Variants in ATAD5 observed in about 807,000 individuals in gnomAD.
ATAD5 encodes ATPase family AAA domain-containing protein 5.
A neutral mutation model predicts 176.9 loss-of-function variants in ATAD5; 58 were observed. That is an observed-to-expected ratio of 0.33 (90% CI 0.27 to 0.41). ATAD5 has a LOEUF of 0.41. ATAD5 is among the 10% of genes least tolerant of loss of function. ATAD5 has a pLI of 1.00. For missense variants in ATAD5, 1,789 were observed against 2,094.1 expected (o/e 0.85, Z 2.84); for synonymous variants, 640 against 712.6 (o/e 0.90, Z 1.62).
At position 30,890,888 on chromosome 17, in the gene ATAD5, G is replaced by A. The variant is rs147974808; in HGVS notation, c.4259-1719G>A. ...CATACTTATTTAGCAAAATTAACCAGTATTATATATGTTGTTATTTTTAAG... is the reference window on the plus strand; with the variant it reads ...CATACTTATTTAGCAAAATTAACCAATATTATATATGTTGTTATTTTTAAG... On this transcript the variant is annotated intron_variant, in intron 19 of 22. Transcript: ENST00000321990. Among the ~76,000 whole-genome samples the A allele has an allele frequency of 3.1e-3, 445 of 143,502 alleles. 3 individuals are homozygous for A. The highest frequency in any genetic ancestry group is 5.5e-3 in the South Asian group (25 of 4,576). 94.1% of individuals were successfully genotyped at this position (143,502 alleles called of 152,430 possible). A position where few individuals can be genotyped will look rare whatever the true frequency, so the allele number is the denominator to read the frequency against.
chr17:30,878,731 T>TGTTTTTTG (rs1402170397), intron 17 of ATAD5, among the ~76,000 whole-genome samples: 2 of 124,138 alleles, frequency 1.6e-5, no homozygotes, highest in African/African-American at 6.4e-5. Context: ...TTTTTTTTTT[T>TGTTTTTTG]TTTTTTTTTT....
At chr17:30,881,494 G>A (rs574219564) in intron 18 of ATAD5, among the ~76,000 whole-genome samples, 5 of 152,162 alleles carry the variant, frequency 3.3e-5, no homozygotes, top group Non-Finnish European at 7.3e-5. Context: ...GTAGAGACGG[G>A]ATTTCGCCAT....
At chr17:30,841,591 T>C (rs774345962) in intron 4 of ATAD5, among the ~76,000 whole-genome samples, 1 of 152,158 alleles carries the variant, frequency 6.6e-6, no homozygotes, top group Non-Finnish European at 1.5e-5. Context: ...TTTTGGAACA[T>C]TTTCATTTCC....
rs1425653832 is a variant in ATAD5 at position 30,895,084 on chromosome 17, TTA to T, written c.*177_*178del. ...ATTTAAAATATTTGAGTTACAAATTTTATATATGATTGTAATTTTTTTTCTGA... is the reference window on the plus strand; with the variant it reads ...ATTTAAAATATTTGAGTTACAAATTTTATATGATTGTAATTTTTTTTCTGA... On this transcript the variant is annotated 3_prime_UTR_variant, in exon 23 of 23. Coordinates refer to ENST00000321990, the MANE Select transcript of ATAD5 (RefSeq NM_024857.5). 2 of 472,982 alleles carry T rather than the reference TTA, an allele frequency of 4.2e-6. No individual in the cohort carries two copies. The highest frequency in any genetic ancestry group is 5.9e-4 in the Middle Eastern group (1 of 1,694). 29.3% of individuals were successfully genotyped at this position (472,982 alleles called of 1,614,324 possible).
At chr17:30,863,828 C>G (rs1464031600) in intron 10 of ATAD5, 1 of 151,778 alleles carries the variant, frequency 6.6e-6, no homozygotes, top group Non-Finnish European at 1.5e-5. Context: ...CCACGCCTGG[C>G]TAATTTTTAT....
At chr17:30,842,996 G>T (rs1906224435) in intron 4 of ATAD5, among the ~76,000 whole-genome samples, 1 of 151,820 alleles carries the variant, frequency 6.6e-6, no homozygotes, top group South Asian at 2.1e-4. Flanking sequence ...CCCCTGCCTT[G>T]GCCTCCCCAA....
chr17:30,880,511 GGCA>G (rs1379786380), intron 18 of ATAD5, among the ~76,000 whole-genome samples: 2 of 152,012 alleles, frequency 1.3e-5, no homozygotes, highest in East Asian at 3.9e-4. Context: ...GGGAGGCTGT[GGCA>G]GGAGAATCGC....
At chr17:30,834,044 C>A in intron 1 of ATAD5, 104 bp from the exon 2 acceptor site, 1 of 1,016,020 alleles carries the variant, frequency 9.8e-7, no homozygotes, top group Non-Finnish European at 1.3e-6. Flanking sequence ...AAGGAGGCTT[C>A]CTTTTTTTAA....
intron 3 of ATAD5, among the ~76,000 whole-genome samples, chr17:30,840,215 A>C (rs1352737675): frequency 2.0e-5 from 3 of 150,486 alleles, no homozygotes; most frequent in Admixed American, 6.6e-5. Flanking sequence ...AAAAAAAAAA[A>C]AAAACAACCT....
At chr17:30,842,595 T>A (rs1906194822) in intron 4 of ATAD5, among the ~76,000 whole-genome samples, 1 of 152,174 alleles carries the variant, frequency 6.6e-6, no homozygotes, top group Admixed American at 6.6e-5. Flanking sequence ...GACAGGAAAA[T>A]CACAGACTTC....
At chr17:30,867,811 C>T (rs1050774471) in intron 11 of ATAD5, among the ~76,000 whole-genome samples, 9 of 152,152 alleles carry the variant, frequency 5.9e-5, no homozygotes, top group African/African-American at 2.2e-4. Context: ...CGCTGTGTTG[C>T]CCAGGCTGGT....
At chr17:30,887,987 A>G (rs1039948872) in intron 19 of ATAD5, among the ~76,000 whole-genome samples, 1 of 151,414 alleles carries the variant, frequency 6.6e-6, no homozygotes, top group African/African-American at 2.4e-5. Context: ...CCCCACCATC[A>G]CGCCCAGCTA....
intron 6 of ATAD5, among the ~76,000 whole-genome samples, chr17:30,850,890 T>A (rs1597964958): frequency 1.4e-5 from 1 of 72,682 alleles, no homozygotes; most frequent in Non-Finnish European, 2.8e-5. Flanking sequence ...TTTTTTTTTT[T>A]TTTTTTTTTT....
intron 4 of ATAD5, among the ~76,000 whole-genome samples, chr17:30,843,635 G>A (rs1906275111): frequency 6.7e-6 from 1 of 149,524 alleles, no homozygotes; most frequent in Non-Finnish European, 1.5e-5. Flanking sequence ...GGGCGACAGA[G>A]AGAGACTCCA....
In ATAD5 at chr17:30,837,330, G is replaced by C. The variant is rs1031626380; in HGVS notation, c.2076+16G>C. 4 of 1,478,218 alleles carry C rather than the reference G, an allele frequency of 2.7e-6. No individual in the cohort carries two copies. The Admixed American group carries it at 6.4e-5, about 24-fold the overall frequency. The allele number at this position is 1,478,218 out of a possible 1,614,324, so 91.6% of individuals were successfully genotyped here. On this transcript the variant is annotated intron_variant, in intron 3 of 22. Transcript: ENST00000321990. ...GATTAGAAAGGTAATTAAAATATTA[G>C]AGAGTCCTATAAGTGCCATTCTGTT... is the stretch of plus-strand genomic sequence containing the variant.
At chr17:30,891,518 C>T (rs73263797) in intron 19 of ATAD5, among the ~76,000 whole-genome samples, 15,958 of 150,584 alleles carry the variant, frequency 0.11, 955 homozygotes, top group South Asian at 0.24. Context: ...ATTACAGGCA[C>T]GCACCACTAT....
intron 6 of ATAD5, among the ~76,000 whole-genome samples, chr17:30,846,601 C>T (rs756161357): frequency 1.3e-5 from 2 of 152,026 alleles, no homozygotes; most frequent in Non-Finnish European, 2.9e-5. Context: ...TGGGGTTTCA[C>T]CATGTTGGCC....
intron 10 of ATAD5, among the ~76,000 whole-genome samples, chr17:30,863,658 G>A (rs921548217): frequency 3.1e-5 from 4 of 130,556 alleles, no homozygotes; most frequent in Non-Finnish European, 6.3e-5. Context: ...GAGCCACCGC[G>A]TCCGGCTTTT....
Position 30,892,813 on chromosome 17 carries a change from T to A in ATAD5, c.4440+25T>A, listed in dbSNP as rs544916494. On this transcript the variant is annotated intron_variant, in intron 20 of 22. Transcript: ENST00000321990. ...GGTATTTTCAATGTCTGTTTTGCAATGTTGAATTTATATTCCTTTTCATAT... is the reference window on the plus strand; with the variant it reads ...GGTATTTTCAATGTCTGTTTTGCAAAGTTGAATTTATATTCCTTTTCATAT... 5 of 1,490,254 alleles carry A rather than the reference T, an allele frequency of 3.4e-6. No homozygotes were observed. In the South Asian group the frequency reaches 5.3e-5, roughly 16 times the overall value. The allele number at this position is 1,490,254 out of a possible 1,614,324, so 92.3% of individuals were successfully genotyped here. A position where few individuals can be genotyped will look rare whatever the true frequency, so the allele number is the denominator to read the frequency against.
Sources: gnomAD v4.1 joint callset for allele counts (sites outside exome capture counted in the v4.1 genomes callset) on GRCh38, gnomAD v4.1.1 for gene constraint, MANE v1.5 for transcripts, NCBI Gene and HGNC (gene_info 2026-07-23, HGNC 2026-07-21) for gene names.